PPP1R3D: variants seen among roughly 807,000 people sequenced by gnomAD.
PPP1R3D encodes PP1 subunit R6.
PPP1R3D carries 27 observed loss-of-function variants against 16.3 expected under a neutral mutation model. The observed-to-expected ratio is 1.66, with a 90% CI of 1.22 to 2.29. The LOEUF (loss-of-function observed/expected upper bound fraction) is 2.29. Among genes scored for constraint, PPP1R3D ranks in the 30% most tolerant of loss-of-function variants. PPP1R3D has a pLI of 0.00. For synonymous variants in PPP1R3D, 223 were observed against 209.7 expected (o/e 1.06, Z -0.55); for missense variants, 472 against 438.3 (o/e 1.08, Z -0.69).
Position 59,937,430 on chromosome 20 carries a change from A to C in PPP1R3D, c.*1602T>G, listed in dbSNP as rs2060868792. 1 of 152,576 alleles carries C rather than the reference A, an allele frequency of 6.6e-6. No individual in the cohort carries two copies. The highest frequency in any genetic ancestry group is 1.5e-5 in the Non-Finnish European group (1 of 68,042). The allele number at this position is 152,576 out of a possible 1,614,324, so 9.5% of individuals were successfully genotyped here. ...CCAAAATTCAGTGTTCTTATATTAA[A>C]AGATACCGAAGAAAGCTATCCTTGT... is the stretch of plus-strand genomic sequence containing the variant. On this transcript the variant is annotated 3_prime_UTR_variant, in exon 1 of 1. Coordinates refer to ENST00000370996, the MANE Select transcript of PPP1R3D (RefSeq NM_006242.4).
In PPP1R3D at chr20:59,939,515, C is replaced by T; in HGVS notation, c.417G>A (p.Ser139=). Reference sequence around the variant, plus strand: ...GGTCCTGGCTGCTGCAGCACAGGTCCGAGTTGATTGCGAGCCGCGACAGCA... The same window carrying T: ...GGTCCTGGCTGCTGCAGCACAGGTCTGAGTTGATTGCGAGCCGCGACAGCA... The part of the protein sequence containing the change: ...LHVLSRLAIN[S]DLCCSSQDLE... The change falls in exon 1 of 1, where the codon TCG becomes TCA. Residue 139 remains serine, a synonymous_variant. Transcript: ENST00000370996. 1 of 1,612,078 alleles carries T rather than the reference C, an allele frequency of 6.2e-7. No homozygotes were observed.
Position 59,939,282 on chromosome 20 carries a change from T to C in PPP1R3D, c.650A>G (p.His217Arg), listed in dbSNP as rs779417764. Residue 217 changes from histidine (H) to arginine (R), a missense_variant, in exon 1 of 1, where the codon CAC (histidine) becomes CGC (arginine). Coordinates refer to ENST00000370996, the MANE Select transcript of PPP1R3D (RefSeq NM_006242.4). Reference sequence around the variant, plus strand: ...CCCGCGCCACCGCGCCACCGCCTCGTGGGTACTGCGCCAGCCCGAGAAAGT... The same window carrying C: ...CCCGCGCCACCGCGCCACCGCCTCGCGGGTACTGCGCCAGCCCGAGAAAGT... ...RYTFSGWRST[H>R]EAVARWRGPA... 1 of 1,611,550 alleles carries C rather than the reference T, an allele frequency of 6.2e-7. No individual in the cohort carries two copies. The highest frequency in any genetic ancestry group is 1.7e-5 in the Admixed American group (1 of 59,992).
In PPP1R3D at chr20:59,939,270, G is replaced by A; in HGVS notation, c.662C>T (p.Ala221Val). 1 of 1,612,220 alleles carries A rather than the reference G, an allele frequency of 6.2e-7. No homozygotes were observed. Among genetic ancestry groups the A allele is most frequent in the Non-Finnish European group, 8.5e-7 (1 of 1,179,610 alleles). The change falls in exon 1 of 1, where the codon GCG becomes GTG. Residue 221 changes from alanine to valine, a missense_variant. Coordinates refer to ENST00000370996, the MANE Select transcript of PPP1R3D (RefSeq NM_006242.4). The part of the protein sequence containing the change: ...SGWRSTHEAV[A>V]RWRGPAGPEG... ...GGGGCCTGCGGGCCCGCGCCACCGC[G>A]CCACCGCCTCGTGGGTACTGCGCCA...
chr20:59,939,679 C>A lies in PPP1R3D; in HGVS notation c.253G>T (p.Ala85Ser). Residue 85 changes from alanine (A) to serine (S), a missense_variant, in exon 1 of 1, where the codon GCC (alanine) becomes TCC (serine). Transcript: ENST00000370996. ...LPSSPERRQK[A>S]AGAPGAACRP... ...CACGCAGCGCCCGGCGCGCCCGCGGCCTTCTGGCGGCGCTCGGGGGAGCTG... is the reference window on the plus strand; with the variant it reads ...CACGCAGCGCCCGGCGCGCCCGCGGACTTCTGGCGGCGCTCGGGGGAGCTG... The A allele has an allele frequency of 6.9e-7, 1 of 1,445,190 alleles. No individual in the cohort carries two copies. Among genetic ancestry groups the A allele is most frequent in the Non-Finnish European group, 9.0e-7 (1 of 1,105,988 alleles). The allele number at this position is 1,445,190 out of a possible 1,614,324, so 89.5% of individuals were successfully genotyped here.
chr20:59,939,823 C>G lies in PPP1R3D; in HGVS notation c.109G>C (p.Glu37Gln). 8.1e-7 allele frequency: 1 copy of G among 1,236,808 alleles called. No homozygotes were observed. Among genetic ancestry groups the G allele is most frequent in the Non-Finnish European group, 1.0e-6 (1 of 991,038 alleles). The allele number at this position is 1,236,808 out of a possible 1,614,324, so 76.6% of individuals were successfully genotyped here. A position where few individuals can be genotyped will look rare whatever the true frequency, so the allele number is the denominator to read the frequency against. Residue 37 changes from glutamate (E) to glutamine (Q), a missense_variant, in exon 1 of 1, where the codon GAG becomes CAG. Coordinates refer to ENST00000370996, the MANE Select transcript of PPP1R3D (RefSeq NM_006242.4). ...CCAGGGGGCCTACAGGCCCGCGGCT[C>G]CAGGGCCACGCCGCCGTCCAGGTCC... Reference protein sequence around the residue: ...LSDLDGGVALEPRACRPPGSP... With the variant: ...LSDLDGGVALQPRACRPPGSP...
rs2060864780 is a variant in PPP1R3D at position 59,936,754 on chromosome 20, A to G, written c.*2278T>C. 1 of 152,242 alleles carries G rather than the reference A, an allele frequency of 6.6e-6. No homozygotes were observed. The highest frequency in any genetic ancestry group is 1.5e-5 in the Non-Finnish European group (1 of 68,044). The allele number at this position is 152,242 out of a possible 1,614,324, so 9.4% of individuals were successfully genotyped here. Reference sequence around the variant, plus strand: ...GACTTGCATGTGAAATGATTTAGACAAGAAGTTTCTAAAGCTTGGTCTTCT... The same window carrying G: ...GACTTGCATGTGAAATGATTTAGACGAGAAGTTTCTAAAGCTTGGTCTTCT... On this transcript the variant is annotated 3_prime_UTR_variant, in exon 1 of 1. Transcript: ENST00000370996.
rs1040588449 is a variant in PPP1R3D at position 59,939,257 on chromosome 20, C to T, written c.675G>A (p.Gly225=). The part of the protein sequence containing the change: ...STHEAVARWR[G]PAGPEGTEDV... ...CCTCCGTGCCCTCGGGGCCTGCGGG[C>T]CCGCGCCACCGCGCCACCGCCTCGT... Residue 225 remains glycine, a synonymous_variant, in exon 1 of 1, where the codon GGG becomes GGA. Transcript: ENST00000370996. The T allele has an allele frequency of 1.2e-6, 2 of 1,611,944 alleles. No homozygotes were observed. Among genetic ancestry groups the T allele is most frequent in the Admixed American group, 1.7e-5 (1 of 59,942 alleles).
Position 59,939,958 on chromosome 20 carries a change from G to T in PPP1R3D, c.-27C>A. 1 of 1,262,524 alleles carries T rather than the reference G, an allele frequency of 7.9e-7. No individual in the cohort carries two copies. The highest frequency in any genetic ancestry group is 1.0e-6 in the Non-Finnish European group (1 of 997,840). 78.2% of individuals were successfully genotyped at this position (1,262,524 alleles called of 1,614,324 possible). A position where few individuals can be genotyped will look rare whatever the true frequency, so the allele number is the denominator to read the frequency against. On this transcript the variant is annotated 5_prime_UTR_variant, in exon 1 of 1. Coordinates refer to ENST00000370996, the MANE Select transcript of PPP1R3D (RefSeq NM_006242.4). ...GCCCCGCCGGCCGTCGGAAGATGAG[G>T]CAGGGATGAGAGACGACCTCCCGAC...
At position 59,939,988 on chromosome 20, in the gene PPP1R3D, C is replaced by G. The variant is rs374420095; in HGVS notation, c.-57G>C. 3 of 1,223,572 alleles carry G rather than the reference C, an allele frequency of 2.5e-6. No homozygotes were observed. The highest frequency in any genetic ancestry group is 3.1e-5 in the African/African-American group (2 of 63,986). The allele number at this position is 1,223,572 out of a possible 1,614,324, so 75.8% of individuals were successfully genotyped here. ...GATGAGAGACGACCTCCCGACCCCG[C>G]GACAGCTCCCTCCGTGCTCAGAAGC... On this transcript the variant is annotated 5_prime_UTR_variant, in exon 1 of 1. Transcript: ENST00000370996.
chr20:59,940,182 C>G lies in PPP1R3D; in HGVS notation c.-251G>C, dbSNP rs921538543. The G allele has an allele frequency of 7.9e-6, 3 of 378,948 alleles. No homozygotes were observed. Among genetic ancestry groups the G allele is most frequent in the Non-Finnish European group, 1.5e-5 (3 of 204,768 alleles). The allele number at this position is 378,948 out of a possible 1,614,324, so 23.5% of individuals were successfully genotyped here. ...TTTCTCTAGTGGAAGCTTTCAGAGG[C>G]CTCCCGGGAGCGCAGGGTAGCGCCT... On this transcript the variant is annotated 5_prime_UTR_variant, in exon 1 of 1. Transcript: ENST00000370996.
Position 59,940,238 on chromosome 20 carries a change from T to C in PPP1R3D, c.-307A>G. Reference sequence around the variant, plus strand: ...TTCTTCTTGCTTCCTTGGAGGTTCTTACAAGAAGGCTGCGTTCCGGGAGCG... The same window carrying C: ...TTCTTCTTGCTTCCTTGGAGGTTCTCACAAGAAGGCTGCGTTCCGGGAGCG... On this transcript the variant is annotated 5_prime_UTR_variant, in exon 1 of 1. Transcript: ENST00000370996. The C allele has an allele frequency of 4.0e-6, 1 of 252,860 alleles. No individual in the cohort carries two copies. The allele number at this position is 252,860 out of a possible 1,614,324, so 15.7% of individuals were successfully genotyped here. A position where few individuals can be genotyped will look rare whatever the true frequency, so the allele number is the denominator to read the frequency against.
Position 59,939,704 on chromosome 20 carries a change from G to A in PPP1R3D, c.228C>T (p.Pro76=), listed in dbSNP as rs1305607394. The stretch of plus-strand genomic sequence containing the variant: ...CCTTCTGGCGGCGCTCGGGGGAGCT[G>A]GGCAGTGAGCGCGCCCGCCGCAGGA... ...PIILRRARSL[P]SSPERRQKAA... is the part of the protein sequence containing the mutation. The change falls in exon 1 of 1, where the codon CCC becomes CCT. Residue 76 remains proline, a synonymous_variant. Transcript: ENST00000370996. 1.5e-6 allele frequency: 2 copies of A among 1,338,596 alleles called. No individual in the cohort carries two copies. Among genetic ancestry groups the A allele is most frequent in the Non-Finnish European group, 1.9e-6 (2 of 1,051,910 alleles). 82.9% of individuals were successfully genotyped at this position (1,338,596 alleles called of 1,614,324 possible).
At position 59,939,259 on chromosome 20, in the gene PPP1R3D, C is replaced by T. The variant is rs750284106; in HGVS notation, c.673G>A (p.Gly225Arg). Residue 225 changes from glycine to arginine, a missense_variant, in exon 1 of 1, where the codon GGG (glycine) becomes AGG (arginine). Gly to Arg is a moderately radical substitution (Grantham distance 125, BLOSUM62 -2). Transcript: ENST00000370996. ...STHEAVARWR[G>R]PAGPEGTEDV... Reference sequence around the variant, plus strand: ...TCCGTGCCCTCGGGGCCTGCGGGCCCGCGCCACCGCGCCACCGCCTCGTGG... The same window carrying T: ...TCCGTGCCCTCGGGGCCTGCGGGCCTGCGCCACCGCGCCACCGCCTCGTGG... 5.0e-5 allele frequency: 81 copies of T among 1,611,388 alleles called. No homozygotes were observed. The highest frequency in any genetic ancestry group is 2.2e-4 in the East Asian group (10 of 44,796).
chr20:59,939,748 G>A lies in PPP1R3D; in HGVS notation c.184C>T (p.Pro62Ser). Residue 62 changes from proline to serine, a missense_variant, in exon 1 of 1, where the codon CCC becomes TCC. Coordinates refer to ENST00000370996, the MANE Select transcript of PPP1R3D (RefSeq NM_006242.4). ...CGCAGGATGATGGGCCGCAGGCGGGGGTCGCAGCCCGACGGCGCTGGCGTT... is the reference window on the plus strand; with the variant it reads ...CGCAGGATGATGGGCCGCAGGCGGGAGTCGCAGCCCGACGGCGCTGGCGTT... ...PPTPAPSGCD[P>S]RLRPIILRRA... The A allele has an allele frequency of 1.6e-6, 2 of 1,227,222 alleles. No individual in the cohort carries two copies. The highest frequency in any genetic ancestry group is 2.0e-6 in the Non-Finnish European group (2 of 985,570). 76.0% of individuals were successfully genotyped at this position (1,227,222 alleles called of 1,614,324 possible).
Position 59,939,197 on chromosome 20 carries a change from G to T in PPP1R3D, c.735C>A (p.Phe245Leu), listed in dbSNP as rs1302675610. 1.9e-6 allele frequency: 3 copies of T among 1,609,058 alleles called. No homozygotes were observed. Among genetic ancestry groups the T allele is most frequent in the Non-Finnish European group, 2.5e-6 (3 of 1,176,670 alleles). ...VFTFGFPVPP[F>L]LLELGSRVHF... ...GCACGCGGGAGCCGAGCTCCAGCAG[G>T]AAGGGCGGTACTGGAAAGCCGAAGG... The change falls in exon 1 of 1, where the codon TTC (phenylalanine) becomes TTA (leucine). Residue 245 changes from phenylalanine to leucine, a missense_variant. By Grantham distance (22) the Phe-to-Leu change is conservative. Transcript: ENST00000370996.
Position 59,939,427 on chromosome 20 carries a change from CAA to C in PPP1R3D, c.503_504del (p.Phe168TrpfsTer189), listed in dbSNP as rs2060884205. On this transcript the variant is annotated frameshift_variant, in exon 1 of 1. Transcript: ENST00000370996. LOFTEE classifies it high-confidence loss of function. ...ACGAGCTGCCGCTGCAGGCGCTCGC[CAA>C]AGTCGGCGGCCTCGACGGGCGGCGG... ...DFPPPVEAAD[F>X]GERLQRQLVC... The C allele has an allele frequency of 1.2e-6, 2 of 1,611,180 alleles. No individual in the cohort carries two copies. The highest frequency in any genetic ancestry group is 1.3e-5 in the African/African-American group (1 of 74,928).
rs1228850630 is a variant in PPP1R3D at position 59,938,720 on chromosome 20, G to T, written c.*312C>A. ...AGCTTTTCCTAGCAGGAGGACTTGG[G>T]CCTTTGCAAAACAAGCTGCTTGGGC... On this transcript the variant is annotated 3_prime_UTR_variant, in exon 1 of 1. Coordinates refer to ENST00000370996, the MANE Select transcript of PPP1R3D (RefSeq NM_006242.4). 7.4e-6 allele frequency: 2 copies of T among 270,988 alleles called. No homozygotes were observed. Among genetic ancestry groups the T allele is most frequent in the Non-Finnish European group, 1.4e-5 (2 of 144,992 alleles). 16.8% of individuals were successfully genotyped at this position (270,988 alleles called of 1,614,324 possible).
Position 59,939,452 on chromosome 20 carries a change from C to T in PPP1R3D, c.480G>A (p.Pro160=), listed in dbSNP as rs750924836. 1.9e-6 allele frequency: 3 copies of T among 1,611,702 alleles called. No homozygotes were observed. The highest frequency in any genetic ancestry group is 1.3e-5 in the African/African-American group (1 of 75,034). Residue 160 remains proline (P), a synonymous_variant, in exon 1 of 1, where the codon CCG becomes CCA. Transcript: ENST00000370996. ...CAAAGTCGGCGGCCTCGACGGGCGG[C>T]GGGAAATCGGGCACCAGGCAATGCA... ...FTLHCLVPDF[P]PPVEAADFGE... is the part of the protein sequence containing the mutation.
chr20:59,939,438 G>A lies in PPP1R3D; in HGVS notation c.494C>T (p.Ala165Val). 1.9e-6 allele frequency: 3 copies of A among 1,611,514 alleles called. No homozygotes were observed. Among genetic ancestry groups the A allele is most frequent in the Non-Finnish European group, 2.5e-6 (3 of 1,179,568 alleles). Residue 165 changes from alanine to valine, a missense_variant, in exon 1 of 1, where the codon GCC becomes GTC. Coordinates refer to ENST00000370996, the MANE Select transcript of PPP1R3D (RefSeq NM_006242.4). Reference protein sequence around the residue: ...LVPDFPPPVEAADFGERLQRQ... With the variant: ...LVPDFPPPVEVADFGERLQRQ... ...CTGCAGGCGCTCGCCAAAGTCGGCG[G>A]CCTCGACGGGCGGCGGGAAATCGGG...
Sources: gnomAD v4.1 joint callset for allele counts on GRCh38, gnomAD v4.1.1 for gene constraint, MANE v1.5 for transcripts, NCBI Gene and HGNC (gene_info 2026-07-23, HGNC 2026-07-21) for gene names.